Variants in ERMAP observed in about 807,000 individuals in gnomAD.
ERMAP encodes the protein erythroid membrane-associated protein.
Under a neutral mutation model 49.5 loss-of-function variants are expected in ERMAP, and 34 were observed. The observed-to-expected ratio is 0.69, with a 90% confidence interval of 0.52 to 0.91. The LOEUF (loss-of-function observed/expected upper bound fraction) is 0.91. Ranked by LOEUF, ERMAP falls within the 40% of genes least tolerant of loss-of-function variation. The pLI is 0.00. For synonymous variants in ERMAP, 214 were observed against 232.2 expected (o/e 0.92, Z 0.71); for missense variants, 541 against 582.6 (o/e 0.93, Z 0.74).
intron 7 of ERMAP, among the ~76,000 whole-genome samples, chr1:42,838,403 C>A (rs35932223): frequency 6.6e-6 from 1 of 152,180 alleles, no homozygotes; most frequent in Non-Finnish European, 1.5e-5. Context: ...GCTGCAAGTA[C>A]TCCCCAGAAA....
intron 1 of ERMAP, among the ~76,000 whole-genome samples, chr1:42,821,180 T>C (rs1347293638): frequency 2.0e-5 from 3 of 152,234 alleles, no homozygotes; most frequent in African/African-American, 7.2e-5. Flanking sequence ...GCACAGTTAC[T>C]TACTGTCCTG....
chr1:42,827,385 G>A (rs1654585185), intron 2 of ERMAP, among the ~76,000 whole-genome samples: 1 of 152,118 alleles, frequency 6.6e-6, no homozygotes, highest in Admixed American at 6.6e-5. Flanking sequence ...ATGTTGCCCA[G>A]GCTGGTCTCA....
At chr1:42,834,377 A>G (rs1654833599) in intron 4 of ERMAP, among the ~76,000 whole-genome samples, 1 of 152,180 alleles carries the variant, frequency 6.6e-6, no homozygotes, top group African/African-American at 2.4e-5. Context: ...GCTCCTGGGA[A>G]GACTGGAGGT....
intron 11 of ERMAP, 106 bp downstream of exon 11, chr1:42,840,402 A>C: frequency 7.2e-7 from 1 of 1,393,670 alleles, no homozygotes. Flanking sequence ...TAATTTAAAA[A>C]TTTTTAAATC....
chr1:42,820,114 C>T (rs1298287390), intron 1 of ERMAP, among the ~76,000 whole-genome samples: 5 of 152,046 alleles, frequency 3.3e-5, no homozygotes, highest in African/African-American at 7.2e-5. Context: ...AGAAGTTTAA[C>T]GGCATTGATT....
At chr1:42,841,074 T>C (rs1277215628) in intron 11 of ERMAP, among the ~76,000 whole-genome samples, 1 of 152,238 alleles carries the variant, frequency 6.6e-6, no homozygotes, top group African/African-American at 2.4e-5. Flanking sequence ...GGGATCCTTA[T>C]CAATTTTCTA....
intron 6 of ERMAP, among the ~76,000 whole-genome samples, chr1:42,836,269 T>C (rs1654891330): frequency 6.6e-6 from 1 of 151,836 alleles, no homozygotes; most frequent in African/African-American, 2.4e-5. Context: ...CAACCAAGCT[T>C]GAGGGTTGAG....
chr1:42,835,304 C>T (rs1223589634), intron 5 of ERMAP, 150 bp downstream of exon 5: 1 of 633,330 alleles, frequency 1.6e-6, no homozygotes, highest in African/African-American at 1.8e-5. Context: ...TAGAGCCATG[C>T]CCTGGGGACA....
intron 1 of ERMAP, chr1:42,824,308 A>G (rs924318993): frequency 1.3e-5 from 2 of 151,604 alleles, no homozygotes; most frequent in African/African-American, 4.9e-5. Context: ...AGATCGTACC[A>G]CTGCACTCCA....
intron 7 of ERMAP, among the ~76,000 whole-genome samples, chr1:42,838,242 A>G (rs1469706228): frequency 6.6e-6 from 1 of 152,230 alleles, no homozygotes. Context: ...GCCGTGTCGT[A>G]TTCGGCTGCA....
rs1409398947 is a variant in ERMAP at position 42,830,925 on chromosome 1, G to C, written c.243G>C (p.Arg81=). 3.7e-6 allele frequency: 6 copies of C among 1,614,212 alleles called. No individual in the cohort carries two copies. The highest frequency in any genetic ancestry group is 5.1e-6 in the Non-Finnish European group (6 of 1,180,034). The change falls in exon 4 of 12, where the codon CGG becomes CGC. Residue 81 remains arginine (R), a synonymous_variant. Coordinates refer to ENST00000372517, the MANE Select transcript of ERMAP (RefSeq NM_001017922.2). ...PQRSQAVHIF[R]DGKDQDEDLM... ...GCTCCCAGGCTGTTCACATATTCCGGGATGGGAAGGACCAGGATGAAGATC... is the reference window on the plus strand; with the variant it reads ...GCTCCCAGGCTGTTCACATATTCCGCGATGGGAAGGACCAGGATGAAGATC...
chr1:42,827,164 A>G (rs560413309), intron 2 of ERMAP, among the ~76,000 whole-genome samples: 2 of 152,172 alleles, frequency 1.3e-5, no homozygotes, highest in South Asian at 4.2e-4. Context: ...ACAGTATATA[A>G]AGTATTTATT....
rs376388780 is a variant in ERMAP at position 42,842,835 on chromosome 1, C to T, written c.1031C>T (p.Ser344Phe). The change falls in exon 12 of 12, where the codon TCC becomes TTC. Residue 344 changes from serine to phenylalanine, a missense_variant. Physicochemically the swap from Ser to Phe is radical, Grantham distance 155. Transcript: ENST00000372517. The part of the protein sequence containing the change: ...SRGNEYEALT[S>F]PQTSFRLKEP... Reference sequence around the variant, plus strand: ...GGGAATGAGTATGAAGCTCTCACATCCCCGCAGACCTCCTTCCGCCTTAAA... The same window carrying T: ...GGGAATGAGTATGAAGCTCTCACATTCCCGCAGACCTCCTTCCGCCTTAAA... The T allele has an allele frequency of 3.7e-6, 6 of 1,614,164 alleles. No homozygotes were observed. The highest frequency in any genetic ancestry group is 5.1e-6 in the Non-Finnish European group (6 of 1,180,022).
chr1:42,821,610 A>G (rs1439328811), intron 1 of ERMAP, among the ~76,000 whole-genome samples: 2 of 152,238 alleles, frequency 1.3e-5, no homozygotes, highest in Admixed American at 6.5e-5. Flanking sequence ...ACCTGGCAAT[A>G]CTACTTCTAG....
intron 4 of ERMAP, among the ~76,000 whole-genome samples, chr1:42,834,136 G>A (rs1050705017): frequency 2.6e-5 from 4 of 152,216 alleles, no homozygotes; most frequent in Non-Finnish European, 4.4e-5. Context: ...CATTGAGCAA[G>A]GACATACTCC....
chr1:42,831,767 G>A (rs1255246987), intron 4 of ERMAP, among the ~76,000 whole-genome samples: 1 of 150,672 alleles, frequency 6.6e-6, no homozygotes, highest in Admixed American at 6.6e-5. Context: ...TTTACTTTTA[G>A]TAGAGACAGG....
At chr1:42,832,885 G>A (rs1654788380) in intron 4 of ERMAP, among the ~76,000 whole-genome samples, 1 of 152,246 alleles carries the variant, frequency 6.6e-6, no homozygotes, top group Non-Finnish European at 1.5e-5. Context: ...GCCATGGCCA[G>A]GACCATACCC....
chr1:42,836,901 T>G, intron 6 of ERMAP: 1 of 300,602 alleles, frequency 3.3e-6, no homozygotes, highest in Non-Finnish European at 5.8e-6. Context: ...GGGTGGCAGA[T>G]TTAAAAAAAA....
At chr1:42,838,993 T>C in intron 8 of ERMAP, 72 bp downstream of exon 8, 1 of 1,612,622 alleles carries the variant, frequency 6.2e-7, no homozygotes, top group African/African-American at 1.3e-5. Flanking sequence ...AGCATCTCAG[T>C]TTCACTTCCT....
Sources: gnomAD v4.1 joint callset for allele counts (sites outside exome capture counted in the v4.1 genomes callset) on GRCh38, gnomAD v4.1.1 for gene constraint, MANE v1.5 for transcripts, NCBI Gene and HGNC (gene_info 2026-07-23, HGNC 2026-07-21) for gene names.